Variants in TK2 observed in about 807,000 individuals in gnomAD.
TK2 encodes the protein thymidine kinase 2, also known as thymidine kinase 2, mitochondrial.
A neutral mutation model predicts 41.9 loss-of-function variants in TK2; 35 were observed. The ratio of observed to expected loss-of-function variants is 0.84; its 90% CI spans 0.64 to 1.11. The LOEUF (loss-of-function observed/expected upper bound fraction) is 1.11, where lower values mean the gene tolerates loss of function less well. TK2 is among the 50% of genes least tolerant of loss of function. The pLI is 0.00. For missense variants in TK2, 320 were observed against 351.1 expected (o/e 0.91, Z 0.71); for synonymous variants, 128 against 129.1 (o/e 0.99, Z 0.06).
At chr16:66,531,621 G>A in intron 4 of TK2, 152 bp from the exon 5 acceptor site, 2 of 739,716 alleles carry the variant, frequency 2.7e-6, no homozygotes, top group South Asian at 1.5e-5. Context: ...TCTGACAGCA[G>A]GGTGGACAAA....
intron 2 of TK2, chr16:66,546,799 T>TG (rs1411401771): frequency 2.6e-5 from 4 of 151,984 alleles, no homozygotes; most frequent in Admixed American, 2.6e-4. Context: ...TTGCCCACGA[T>TG]GGAGTGCAGC....
rs185238503 is a variant in TK2, at chr16:66,529,107, A to G, written c.376-40T>C. ...AAAGAGAATCACTAACTCAGGGGAAAAGGAGACAGCCAGGAGGCCTTGAGA... is the reference window on the plus strand; with the variant it reads ...AAAGAGAATCACTAACTCAGGGGAAGAGGAGACAGCCAGGAGGCCTTGAGA... On this transcript the variant is annotated intron_variant, in intron 5 of 9. Transcript: ENST00000544898. 8.6e-4 allele frequency: 1,379 copies of G among 1,596,428 alleles called. 10 individuals carry two copies. The African/African-American group carries it at 0.015, about 17-fold the overall frequency.
chr16:66,534,432 C>G lies in TK2; in HGVS notation c.285+2532G>C, dbSNP rs181838458. On this transcript the variant is annotated intron_variant, in intron 4 of 9. Coordinates refer to ENST00000544898, the MANE Select transcript of TK2 (RefSeq NM_004614.5). ...AAACCTAAATCAGTTCTTGCCACTC[C>G]CCTGCTCAGAACCTTCCAGTGGCTT... 2.6e-4 allele frequency among the ~76,000 whole-genome samples: 39 copies of G among 152,326 alleles called. No individual in the cohort carries two copies. The East Asian group carries it at 6.4e-3, about 25-fold the overall frequency.
intron 1 of TK2, chr16:66,549,462 C>T: frequency 9.6e-7 from 1 of 1,046,072 alleles, no homozygotes. Flanking sequence ...TCTCAACAGC[C>T]ATATGGCGGA....
chr16:66,527,528 T>C (rs1964971454), intron 6 of TK2, among the ~76,000 whole-genome samples: 1 of 152,188 alleles, frequency 6.6e-6, no homozygotes, highest in Non-Finnish European at 1.5e-5. Context: ...GAGCCTGCTC[T>C]GTGCTGGGTC....
chr16:66,529,201 G>T, intron 5 of TK2, 134 bp from the exon 6 acceptor site: 1 of 846,744 alleles, frequency 1.2e-6, no homozygotes, highest in Non-Finnish European at 2.0e-6. Context: ...AGAGAGTGAA[G>T]CAGGAGGACC....
At chr16:66,521,902 T>A (rs1385248271) in intron 6 of TK2, among the ~76,000 whole-genome samples, 1 of 152,214 alleles carries the variant, frequency 6.6e-6, no homozygotes, top group African/African-American at 2.4e-5. Flanking sequence ...TGCTGTTACA[T>A]CAGTACAATT....
intron 4 of TK2, among the ~76,000 whole-genome samples, chr16:66,536,161 G>A (rs961405581): frequency 3.4e-5 from 5 of 146,058 alleles, no homozygotes; most frequent in African/African-American, 7.7e-5. Flanking sequence ...CCGAGATCGC[G>A]CCACTGCACT....
rs137886900 is a variant in TK2, at chr16:66,517,207, G to C, written c.547C>G (p.Arg183Gly). The C allele has an allele frequency of 5.0e-6, 8 of 1,614,038 alleles. No individual in the cohort carries two copies. Among genetic ancestry groups the C allele is most frequent in the Non-Finnish European group, 5.9e-6 (7 of 1,179,942 alleles). The part of the protein sequence containing the change: ...DVSVDLIVYL[R>G]TNPETCYQRL... ...TGGTAACAAGTCTCAGGATTGGTCC[G>C]AAGGTAAACTGAGGTTAAAAGAATA... Residue 183 changes from arginine (R) to glycine (G), a missense_variant, in exon 8 of 10, where the codon CGG becomes GGG. Arg to Gly is a moderately radical substitution (Grantham distance 125). Coordinates refer to ENST00000544898, the MANE Select transcript of TK2 (RefSeq NM_004614.5). This position sits in a 1 kb window ranked among gnomAD's most constrained non-coding sequence, Gnocchi z 4.3.
At chr16:66,540,734 C>G (rs867633300) in intron 3 of TK2, among the ~76,000 whole-genome samples, 4 of 152,194 alleles carry the variant, frequency 2.6e-5, no homozygotes, top group Non-Finnish European at 5.9e-5. Context: ...CATAGTAATA[C>G]CCACTGCTCA....
rs760788325 is a variant in TK2 at position 66,550,076 on chromosome 16, A to C, written c.-15T>G. On this transcript the variant is annotated 5_prime_UTR_variant, in exon 1 of 10. Transcript: ENST00000544898. The stretch of plus-strand genomic sequence containing the variant: ...CACAGCAGCATAGCCGGGCGAGCGG[A>C]TCCAGAGGCCCGGGGTTCCTTCTTG... 5 of 1,596,948 alleles carry C rather than the reference A, an allele frequency of 3.1e-6. No homozygotes were observed. Among genetic ancestry groups the C allele is most frequent in the African/African-American group, 2.7e-5 (2 of 74,756 alleles).
At chr16:66,547,468 T>C (rs1965643601) in intron 2 of TK2, among the ~76,000 whole-genome samples, 1 of 152,148 alleles carries the variant, frequency 6.6e-6, no homozygotes, top group Non-Finnish European at 1.5e-5. Context: ...CTCTAGGGAC[T>C]GGCCACAAGC....
intron 6 of TK2, among the ~76,000 whole-genome samples, chr16:66,520,095 G>A (rs191619671): frequency 6.6e-6 from 1 of 152,312 alleles, no homozygotes; most frequent in Non-Finnish European, 1.5e-5. Flanking sequence ...GGCCTGAGCA[G>A]ACTGCAGCAC....
In TK2 at chr16:66,514,173, G is replaced by A. The variant is rs1394418410; in HGVS notation, c.619-362C>T. Among the ~76,000 whole-genome samples, 8 of 146,186 alleles carry A rather than the reference G, an allele frequency of 5.5e-5. No individual in the cohort carries two copies. The highest frequency in any genetic ancestry group is 7.6e-5 in the African/African-American group (3 of 39,316). On this transcript the variant is annotated intron_variant, in intron 8 of 9. Coordinates refer to ENST00000544898, the MANE Select transcript of TK2 (RefSeq NM_004614.5). The surrounding 1 kb of genome is among the most constrained non-coding windows in gnomAD (Gnocchi z 4.2). ...CACGGTTTCCCTCTGATGCCCAGCC[G>A]AGGCTGGACTGTACTGCCGCCAACT...
At chr16:66,529,120 G>A (rs1965029068) in intron 5 of TK2, 53 bp from the exon 6 acceptor site, 5 of 1,561,496 alleles carry the variant, frequency 3.2e-6, no homozygotes, top group Non-Finnish European at 3.5e-6. Context: ...GAGACAGCCA[G>A]GAGGCCTTGA....
In TK2 at chr16:66,536,971, T is replaced by C. The variant is rs142291440; in HGVS notation, c.278A>G (p.Asn93Ser). The change falls in exon 4 of 10, where the codon AAT (asparagine) becomes AGT (serine). Residue 93 changes from asparagine (N) to serine (S), a missense_variant. Transcript: ENST00000544898. ...VSKWRNVRGH[N>S]PLGLMYHDAS... ...AACCAACAACCCACTCACCAGAGGA[T>C]TGTGGCCACGGACATTTCTCCACTT... 14 of 1,613,752 alleles carry C rather than the reference T, an allele frequency of 8.7e-6. No homozygotes were observed. In the African/African-American group the frequency reaches 1.2e-4, roughly 14 times the overall value.
At chr16:66,535,137 C>G (rs1248188697) in intron 4 of TK2, among the ~76,000 whole-genome samples, 3 of 152,244 alleles carry the variant, frequency 2.0e-5, no homozygotes, top group African/African-American at 7.2e-5. Context: ...GCCGCAGAAA[C>G]AGTCACCTTT....
chr16:66,514,218 T>C lies in TK2; in HGVS notation c.619-407A>G, dbSNP rs187921616. Among the ~76,000 whole-genome samples, 213 of 149,640 alleles carry C rather than the reference T, an allele frequency of 1.4e-3. 6 individuals are homozygous for C. In the East Asian group the frequency reaches 0.033, roughly 23 times the overall value. On this transcript the variant is annotated intron_variant, in intron 8 of 9. Transcript: ENST00000544898. The surrounding 1 kb of genome is among the most constrained non-coding windows in gnomAD (Gnocchi z 4.2). ...CCAACTCGACTCACTGCAACCTCCC[T>C]GCCTGATTCTCCTGCCTCAGCCTGC...
chr16:66,523,527 C>A (rs554939668), intron 6 of TK2, among the ~76,000 whole-genome samples: 157 of 152,270 alleles, frequency 1.0e-3, no homozygotes, highest in African/African-American at 3.7e-3. Context: ...GGAGCCGAAA[C>A]CTCTAAAAAC....
Sources: gnomAD v4.1 joint callset for allele counts (sites outside exome capture counted in the v4.1 genomes callset) on GRCh38, gnomAD v4.1.1 for gene constraint, Gnocchi (gnomAD v3.1) non-coding constraint, MANE v1.5 for transcripts, NCBI Gene and HGNC (gene_info 2026-07-23, HGNC 2026-07-21) for gene names.